The following GRXCR2 variants were observed in gnomAD, a reference collection of about 807,000 sequenced individuals.
The protein encoded by GRXCR2 is glutaredoxin domain-containing cysteine-rich protein 2.
In GRXCR2, 23 loss-of-function variants were observed where a neutral mutation model predicts 24.8. The ratio of observed to expected loss-of-function variants is 0.93; its 90% CI spans 0.67 to 1.32. The LOEUF (loss-of-function observed/expected upper bound fraction) is 1.32, where lower values mean the gene tolerates loss of function less well. Ranked by LOEUF, GRXCR2 falls within the 40% of genes most tolerant of loss-of-function variation. The pLI, the probability that GRXCR2 is intolerant of heterozygous loss-of-function variation, is 0.00. For synonymous variants in GRXCR2, 130 were observed against 116.1 expected (o/e 1.12, Z -0.77); for missense variants, 315 against 303.4 (o/e 1.04, Z -0.28).
intron 2 of GRXCR2, among the ~76,000 whole-genome samples, chr5:145,925,537 T>C (rs1280501013): frequency 6.6e-6 from 1 of 152,134 alleles, no homozygotes; most frequent in Non-Finnish European, 1.5e-5. Context: ...GCAAGCTTTC[T>C]CCCTAGGAAT....
intron 2 of GRXCR2, among the ~76,000 whole-genome samples, chr5:145,889,214 A>AAGAAAGAAAGAG (rs1756825633): frequency 6.6e-6 from 1 of 151,298 alleles, no homozygotes; most frequent in Admixed American, 6.6e-5. Flanking sequence ...GAAAGAAAGA[A>AAGAAAGAAAGAG]AGAAAGAAAG....
chr5:145,893,331 G>C (rs1000459895), intron 2 of GRXCR2, among the ~76,000 whole-genome samples: 1 of 152,152 alleles, frequency 6.6e-6, no homozygotes, highest in African/African-American at 2.4e-5. Context: ...AAAAGACACA[G>C]AATGGCAAAT....
chr5:145,920,857 T>C (rs1757311757), intron 2 of GRXCR2, among the ~76,000 whole-genome samples: 1 of 152,176 alleles, frequency 6.6e-6, no homozygotes, highest in Non-Finnish European at 1.5e-5. Context: ...GCAGAGACCT[T>C]ATAAAAAAGG....
At chr5:145,916,401 A>G (rs1447377371) in intron 2 of GRXCR2, among the ~76,000 whole-genome samples, 1 of 152,122 alleles carries the variant, frequency 6.6e-6, no homozygotes. Flanking sequence ...TTCATTCATG[A>G]TCAGTTACAG....
At chr5:145,888,745 A>G (rs1756812486) in intron 2 of GRXCR2, among the ~76,000 whole-genome samples, 1 of 152,248 alleles carries the variant, frequency 6.6e-6, no homozygotes, top group Non-Finnish European at 1.5e-5. Context: ...TTATATACAT[A>G]TGTATGCAAG....
At chr5:145,892,229 T>C (rs1174146242) in intron 2 of GRXCR2, among the ~76,000 whole-genome samples, 1 of 151,992 alleles carries the variant, frequency 6.6e-6, no homozygotes, top group Non-Finnish European at 1.5e-5. Flanking sequence ...AGAGCGCCTC[T>C]CCTCCTCCAA....
intron 1 of GRXCR2, among the ~76,000 whole-genome samples, chr5:145,868,443 A>G (rs959447224): frequency 2.6e-5 from 4 of 152,186 alleles, no homozygotes; most frequent in Admixed American, 6.5e-5. Flanking sequence ...TTAAGCCACA[A>G]GCTTCCTATC....
chr5:145,873,944 C>A (rs1756572689), upstream of GRXCR2, among the ~76,000 whole-genome samples: 2 of 152,144 alleles, frequency 1.3e-5, no homozygotes, highest in African/African-American at 2.4e-5. Flanking sequence ...GCTTAGAGAG[C>A]AAACTGCCCA....
At chr5:145,911,188 G>A (rs1238490423) in intron 2 of GRXCR2, among the ~76,000 whole-genome samples, 2 of 152,134 alleles carry the variant, frequency 1.3e-5, no homozygotes, top group African/African-American at 2.4e-5. Flanking sequence ...TCAGCACCTC[G>A]AGTTAACATT....
Position 145,859,194 on chromosome 5 carries a change from G to C in GRXCR2, c.*539C>G. On this transcript the variant is annotated 3_prime_UTR_variant, in exon 3 of 3. Coordinates refer to ENST00000377976, the MANE Select transcript of GRXCR2 (RefSeq NM_001080516.2). ...AAAGGGAAGGCTCCTTGGCTTGCCTGTCTCCACAGTGAACATCCCATTTTG... is the reference window on the plus strand; with the variant it reads ...AAAGGGAAGGCTCCTTGGCTTGCCTCTCTCCACAGTGAACATCCCATTTTG... 6.4e-6 allele frequency: 1 copy of C among 155,102 alleles called. No individual in the cohort carries two copies. Among genetic ancestry groups the C allele is most frequent in the Non-Finnish European group, 1.4e-5 (1 of 69,614 alleles). The allele number at this position is 155,102 out of a possible 1,614,324, so 9.6% of individuals were successfully genotyped here.
At chr5:145,869,562 T>C (rs1459918951) in intron 1 of GRXCR2, among the ~76,000 whole-genome samples, 5 of 149,294 alleles carry the variant, frequency 3.3e-5, no homozygotes, top group Non-Finnish European at 7.5e-5. Context: ...TCTCTCTCTT[T>C]TTTTTTTTTT....
intron 2 of GRXCR2, among the ~76,000 whole-genome samples, chr5:145,918,856 C>A (rs1757279435): frequency 1.3e-5 from 2 of 152,166 alleles, no homozygotes; most frequent in Admixed American, 1.3e-4. Flanking sequence ...AAAACACTAC[C>A]TTCGTGCCTG....
upstream of GRXCR2, among the ~76,000 whole-genome samples, chr5:145,874,213 T>A (rs573721351): frequency 6.0e-5 from 9 of 151,060 alleles, no homozygotes; most frequent in East Asian, 3.9e-4. Context: ...TATTTTATTT[T>A]TTTTTTTTTG....
At chr5:145,860,254 A>G (rs1196980595) in intron 2 of GRXCR2, among the ~76,000 whole-genome samples, 1 of 152,168 alleles carries the variant, frequency 6.6e-6, no homozygotes, top group African/African-American at 2.4e-5. Context: ...GCCAAATACT[A>G]CAAGTGAACC....
downstream of GRXCR2, among the ~76,000 whole-genome samples, chr5:145,857,824 A>C (rs915715149): frequency 1.3e-5 from 2 of 152,110 alleles, no homozygotes; most frequent in Non-Finnish European, 2.9e-5. Context: ...GCTCCCTGTA[A>C]TTATCCTATC....
At chr5:145,866,757 C>T in intron 1 of GRXCR2, 29 bp from the exon 2 acceptor site, 1 of 1,423,106 alleles carries the variant, frequency 7.0e-7, no homozygotes, top group Non-Finnish European at 9.9e-7. Flanking sequence ...AGCATGGAAA[C>T]TTTACCACCA....
upstream of GRXCR2, among the ~76,000 whole-genome samples, chr5:145,876,235 C>A (rs10063018): frequency 0.71 from 95,058 of 133,526 alleles, 34,570 homozygotes; most frequent in African/African-American, 0.89. Flanking sequence ...ACACACATAC[C>A]CACACACACA....
chr5:145,892,880 G>A (rs1427292697), intron 2 of GRXCR2, among the ~76,000 whole-genome samples: 1 of 152,206 alleles, frequency 6.6e-6, no homozygotes, highest in Non-Finnish European at 1.5e-5. Flanking sequence ...GGCAGCCAGA[G>A]AGAAAGGTTG....
At chr5:145,881,378 C>T (rs1756698405) in intron 2 of GRXCR2, among the ~76,000 whole-genome samples, 1 of 152,276 alleles carries the variant, frequency 6.6e-6, no homozygotes, top group African/African-American at 2.4e-5. Context: ...CATTCTTATA[C>T]ACCAATAACA....
Sources: allele counts gnomAD v4.1 joint callset (sites outside exome capture counted in the v4.1 genomes callset), GRCh38; gene constraint gnomAD v4.1.1; transcripts MANE v1.5; gene names NCBI Gene and HGNC (gene_info 2026-07-23, HGNC 2026-07-21).